The following NR6A1 variants were observed in gnomAD, a reference collection of about 807,000 sequenced individuals.
NR6A1 encodes nuclear receptor subfamily 6 group A member 1.
A neutral mutation model predicts 59.1 loss-of-function variants in NR6A1; 7 were observed. The observed-to-expected ratio is 0.12, with a 90% CI of 0.07 to 0.22. The LOEUF is 0.22. Ranked by LOEUF, NR6A1 falls within the 10% of genes least tolerant of loss-of-function variation. The pLI is 1.00. For synonymous variants in NR6A1, 243 were observed against 236.1 expected (o/e 1.03, Z -0.27); for missense variants, 468 against 611.6 (o/e 0.77, Z 2.48).
At chr9:124,762,553 T>G (rs1193684244) in intron 1 of NR6A1, among the ~76,000 whole-genome samples, 1 of 152,206 alleles carries the variant, frequency 6.6e-6, no homozygotes, top group Non-Finnish European at 1.5e-5. Context: ...AAAGTAATTG[T>G]GGATAGTCTT....
At chr9:124,674,987 A>C (rs1837910547) in intron 2 of NR6A1, among the ~76,000 whole-genome samples, 1 of 152,204 alleles carries the variant, frequency 6.6e-6, no homozygotes, top group Admixed American at 6.5e-5. Context: ...GTTCTCACAT[A>C]ATTTTTAAGT....
Position 124,526,847 on chromosome 9 carries a change from T to C in NR6A1, c.1133A>G (p.Lys378Arg), listed in dbSNP as rs1832951784. ...VIERLIYLYH[K>R]FHQLKVSNEE... ...GTTGCTGACCTTTAGCTGATGGAAC[T>C]TGTGATAGAGGTAGATGAGCCGCTC... The change falls in exon 8 of 10, where the codon AAG (lysine) becomes AGG (arginine). Residue 378 changes from lysine to arginine, a missense_variant. This residue lies in a region of NR6A1 where 176 missense variants were observed against 264.0 expected (regional missense o/e 0.67). Transcript: ENST00000487099. 1 of 1,614,138 alleles carries C rather than the reference T, an allele frequency of 6.2e-7. No individual in the cohort carries two copies. The highest frequency in any genetic ancestry group is 8.5e-7 in the Non-Finnish European group (1 of 1,179,970).
chr9:124,743,754 T>G (rs1405780450), intron 1 of NR6A1, among the ~76,000 whole-genome samples: 1 of 152,230 alleles, frequency 6.6e-6, no homozygotes, highest in East Asian at 1.9e-4. Context: ...GAAAACGGTT[T>G]AGGAAGGCAA....
At chr9:124,747,048 GGAAA>G (rs1161815789) in intron 1 of NR6A1, among the ~76,000 whole-genome samples, 4 of 152,080 alleles carry the variant, frequency 2.6e-5, no homozygotes, top group African/African-American at 7.2e-5. Flanking sequence ...TAGTAAGGGA[GGAAA>G]GAAAGAATGT....
intron 1 of NR6A1, among the ~76,000 whole-genome samples, chr9:124,755,326 T>G (rs1840604750): frequency 6.6e-6 from 1 of 152,212 alleles, no homozygotes; most frequent in South Asian, 2.1e-4. Context: ...CTGCTGTGTA[T>G]TAACAACTTT....
chr9:124,572,047 C>A (rs1834453639), intron 2 of NR6A1, among the ~76,000 whole-genome samples: 1 of 151,924 alleles, frequency 6.6e-6, no homozygotes, highest in Non-Finnish European at 1.5e-5. Flanking sequence ...CAGTACAATG[C>A]CAGGGAAGTC....
chr9:124,727,727 C>T (rs942197930), intron 2 of NR6A1, among the ~76,000 whole-genome samples: 1 of 152,198 alleles, frequency 6.6e-6, no homozygotes, highest in African/African-American at 2.4e-5. Flanking sequence ...CTCTGTCACC[C>T]AGGCTGGAGT....
At chr9:124,546,855 A>G (rs1474182208) in intron 3 of NR6A1, among the ~76,000 whole-genome samples, 1 of 152,244 alleles carries the variant, frequency 6.6e-6, no homozygotes, top group Non-Finnish European at 1.5e-5. Context: ...GATCCTCACA[A>G]CCACCTTGGA....
intron 2 of NR6A1, among the ~76,000 whole-genome samples, chr9:124,587,700 T>G (rs2131478298): frequency 6.6e-6 from 1 of 152,358 alleles, no homozygotes; most frequent in East Asian, 1.9e-4. Flanking sequence ...TTCTTCCACA[T>G]GTAACAATGT....
Position 124,517,786 on chromosome 9 carries a change from C to T in NR6A1, c.*4919G>A, listed in dbSNP as rs984615562. The T allele has an allele frequency of 6.6e-6, 1 of 152,222 alleles. No homozygotes were observed. The highest frequency in any genetic ancestry group is 1.5e-5 in the Non-Finnish European group (1 of 68,038). The allele number at this position is 152,222 out of a possible 1,614,324, so 9.4% of individuals were successfully genotyped here. A position where few individuals can be genotyped will look rare whatever the true frequency, so the allele number is the denominator to read the frequency against. The stretch of plus-strand genomic sequence containing the variant: ...CAGCCCAGACATCACAATGCAGCCA[C>T]CAGCCCCTATGGCAGACCTGGGATG... On this transcript the variant is annotated 3_prime_UTR_variant, in exon 10 of 10. Coordinates refer to ENST00000487099, the MANE Select transcript of NR6A1 (RefSeq NM_033334.4).
Position 124,569,260 on chromosome 9 carries a change from C to G in NR6A1, c.143-14690G>C, listed in dbSNP as rs551189408. Among the ~76,000 whole-genome samples the G allele has an allele frequency of 4.6e-5, 7 of 152,342 alleles. No individual in the cohort carries two copies. In the East Asian group the frequency reaches 1.2e-3, roughly 25 times the overall value. On this transcript the variant is annotated intron_variant, in intron 2 of 9. Coordinates refer to ENST00000487099, the MANE Select transcript of NR6A1 (RefSeq NM_033334.4). ...AGTGAGCACAACACACCCTCCCCTT[C>G]TAGCAATCGGTTCTACCTTAATTTG...
At chr9:124,758,045 C>T (rs1840684363) in intron 1 of NR6A1, among the ~76,000 whole-genome samples, 1 of 152,248 alleles carries the variant, frequency 6.6e-6, no homozygotes, top group South Asian at 2.1e-4. Context: ...GTACTTTCAG[C>T]AACTGCTTGC....
intron 5 of NR6A1, 94 bp from the exon 6 acceptor site, chr9:124,538,413 A>G: frequency 1.1e-6 from 1 of 890,576 alleles, no homozygotes; most frequent in Non-Finnish European, 1.8e-6. Flanking sequence ...GTATTCTTTG[A>G]ACATGAGGTA....
At chr9:124,633,425 A>G (rs1313908996) in intron 2 of NR6A1, among the ~76,000 whole-genome samples, 1 of 140,154 alleles carries the variant, frequency 7.1e-6, no homozygotes, top group Admixed American at 7.2e-5. Context: ...AAAAAAAAAA[A>G]GTTAGTGATA....
At chr9:124,661,387 C>T (rs1298908566) in intron 2 of NR6A1, among the ~76,000 whole-genome samples, 1 of 152,194 alleles carries the variant, frequency 6.6e-6, no homozygotes, top group Non-Finnish European at 1.5e-5. Flanking sequence ...TGAGCACCAA[C>T]AGGCCAGACT....
chr9:124,648,955 A>G (rs1030216325), intron 2 of NR6A1, among the ~76,000 whole-genome samples: 1 of 152,142 alleles, frequency 6.6e-6, no homozygotes, highest in Non-Finnish European at 1.5e-5. Context: ...TTGTGGGATT[A>G]CACACAAAAA....
At chr9:124,726,827 T>C (rs750010299) in intron 2 of NR6A1, among the ~76,000 whole-genome samples, 3 of 152,256 alleles carry the variant, frequency 2.0e-5, no homozygotes, top group Non-Finnish European at 4.4e-5. Flanking sequence ...TGGTTTTGAA[T>C]GTAAAATTCG....
At position 124,737,640 on chromosome 9, in the gene NR6A1, T is replaced by C. The variant is rs573377172; in HGVS notation, c.101-4291A>G. Among the ~76,000 whole-genome samples, 90 of 151,992 alleles carry C rather than the reference T, an allele frequency of 5.9e-4. 1 individual carries two copies. The South Asian group carries it at 0.018, about 31-fold the overall frequency. ...CAACACTTTGGGAGGCCAAGGTGGG[T>C]GGATCACTTGAGGTCAGGAGTTCGA... On this transcript the variant is annotated intron_variant, in intron 1 of 9. Transcript: ENST00000487099.
intron 2 of NR6A1, among the ~76,000 whole-genome samples, chr9:124,720,441 T>C (rs1248317510): frequency 1.3e-5 from 2 of 152,228 alleles, no homozygotes; most frequent in Non-Finnish European, 2.9e-5. Flanking sequence ...CAGACTACAC[T>C]TAGGACATGG....
Sources: gnomAD v4.1 joint callset for allele counts (sites outside exome capture counted in the v4.1 genomes callset) on GRCh38, gnomAD v4.1.1 for gene constraint, gnomAD v4.1.1 regional missense constraint, MANE v1.5 for transcripts, NCBI Gene and HGNC (gene_info 2026-07-23, HGNC 2026-07-21) for gene names.